CUX1: variants seen among roughly 807,000 people sequenced by gnomAD.
CUX1 encodes cut like homeobox 1.
A neutral mutation model predicts 158.8 loss-of-function variants in CUX1; 31 were observed. The ratio of observed to expected loss-of-function variants is 0.20; its 90% CI spans 0.15 to 0.26. CUX1 has a LOEUF of 0.26. Among genes scored for constraint, CUX1 ranks in the 10% least tolerant of loss-of-function variants. The pLI is 1.00. For missense variants in CUX1, 1,589 were observed against 2,014.6 expected (o/e 0.79, Z 4.04); for synonymous variants, 879 against 862.1 (o/e 1.02, Z -0.34).
chr7:101,929,417 CT>C (rs969592440), intron 2 of CUX1, among the ~76,000 whole-genome samples: 1 of 152,140 alleles, frequency 6.6e-6, no homozygotes, highest in African/African-American at 2.4e-5. Flanking sequence ...TAGCCCATAA[CT>C]TGTCTTTCTG....
At chr7:102,084,858 CTT>C (rs60908109) in intron 4 of CUX1, among the ~76,000 whole-genome samples, 131 of 56,032 alleles carry the variant, frequency 2.3e-3, no homozygotes, top group African/African-American at 7.8e-3. Context: ...ATTTTCCTTG[CTT>C]TTTTTTTTTT....
intron 1 of CUX1, among the ~76,000 whole-genome samples, chr7:101,874,237 G>A (rs957563225): frequency 1.3e-5 from 2 of 152,182 alleles, no homozygotes; most frequent in East Asian, 1.9e-4. Context: ...GAGGATCTCC[G>A]TGCAGGCCGT....
At chr7:102,221,325 C>G (rs1375309640) in intron 20 of CUX1, among the ~76,000 whole-genome samples, 2 of 151,870 alleles carry the variant, frequency 1.3e-5, no homozygotes, top group Non-Finnish European at 2.9e-5. Flanking sequence ...ATGTCACTTA[C>G]AATAATTACT....
intron 22 of CUX1, among the ~76,000 whole-genome samples, chr7:102,234,764 A>AC (rs1799366117): frequency 6.6e-6 from 1 of 151,676 alleles, no homozygotes; most frequent in Non-Finnish European, 1.5e-5. Flanking sequence ...TACTAAAAAA[A>AC]AAAAAAAAAA....
chr7:102,198,882 G>C lies in CUX1; in HGVS notation c.1960+15G>C. The C allele has an allele frequency of 1.2e-6, 2 of 1,613,506 alleles. No individual in the cohort carries two copies. The highest frequency in any genetic ancestry group is 1.7e-6 in the Non-Finnish European group (2 of 1,179,402). On this transcript the variant is annotated intron_variant, in intron 16 of 23. Coordinates refer to ENST00000292535, the MANE Select transcript of CUX1 (RefSeq NM_181552.4). ...TGGGTCTGAAGGTATGTTGCAGGCA[G>C]GCGTTTTCTTTGCAGTCAGTCACCT...
At chr7:101,897,018 G>T (rs1209506514) in intron 1 of CUX1, among the ~76,000 whole-genome samples, 1 of 152,160 alleles carries the variant, frequency 6.6e-6, no homozygotes, top group Admixed American at 6.5e-5. Context: ...GAAAAGTCAC[G>T]CACACACAAC....
intron 1 of CUX1, among the ~76,000 whole-genome samples, chr7:101,911,642 G>A (rs972519657): frequency 3.9e-5 from 6 of 152,260 alleles, no homozygotes; most frequent in African/African-American, 9.6e-5. Flanking sequence ...CCCGCCAGTG[G>A]ATGACCTGAG....
At chr7:101,943,211 A>G (rs1273071607) in intron 2 of CUX1, among the ~76,000 whole-genome samples, 3 of 150,300 alleles carry the variant, frequency 2.0e-5, no homozygotes, top group African/African-American at 7.4e-5. Flanking sequence ...GGTGCAAGAG[A>G]TTCTCCTGCT....
chr7:102,158,065 C>G (rs1479768513), intron 8 of CUX1, among the ~76,000 whole-genome samples: 1 of 152,124 alleles, frequency 6.6e-6, no homozygotes, highest in Non-Finnish European at 1.5e-5. Flanking sequence ...CCTGGTGAGG[C>G]TTTCACTGCC....
At chr7:101,890,655 C>T (rs1800784147) in intron 1 of CUX1, among the ~76,000 whole-genome samples, 1 of 152,034 alleles carries the variant, frequency 6.6e-6, no homozygotes, top group South Asian at 2.1e-4. Flanking sequence ...GAGGTTGGTG[C>T]GAAAATAGCA....
At chr7:102,089,337 C>T (rs1828285362) in intron 4 of CUX1, among the ~76,000 whole-genome samples, 2 of 152,214 alleles carry the variant, frequency 1.3e-5, no homozygotes, top group Non-Finnish European at 2.9e-5. Context: ...GATCATCCTG[C>T]TGCTTTGCAT....
At chr7:101,988,844 T>A (rs1814695135) in intron 2 of CUX1, among the ~76,000 whole-genome samples, 1 of 151,676 alleles carries the variant, frequency 6.6e-6, no homozygotes, top group South Asian at 2.1e-4. Flanking sequence ...TACAAAAAAA[T>A]AAAATTTAGC....
intron 21 of CUX1, among the ~76,000 whole-genome samples, chr7:102,232,596 A>G (rs1378662301): frequency 3.3e-5 from 5 of 152,196 alleles, no homozygotes; most frequent in African/African-American, 1.2e-4. Flanking sequence ...TGTTCATTCA[A>G]GTACTCCCGT....
At chr7:101,940,705 A>G (rs1368594827) in intron 2 of CUX1, among the ~76,000 whole-genome samples, 1 of 151,764 alleles carries the variant, frequency 6.6e-6, no homozygotes, top group Non-Finnish European at 1.5e-5. Context: ...CAGCACTTCC[A>G]CCCTCCCAGA....
In CUX1 at chr7:102,189,364, G is replaced by T. The variant is rs549170291; in HGVS notation, c.1018-449G>T. Among the ~76,000 whole-genome samples, 54 of 132,760 alleles carry T rather than the reference G, an allele frequency of 4.1e-4. 1 individual carries two copies. The highest frequency in any genetic ancestry group is 1.6e-3 in the African/African-American group (53 of 33,000). The allele number at this position is 132,760 out of a possible 152,430, so 87.1% of individuals were successfully genotyped here. On this transcript the variant is annotated intron_variant, in intron 11 of 23. Coordinates refer to ENST00000292535, the MANE Select transcript of CUX1 (RefSeq NM_181552.4). The stretch of plus-strand genomic sequence containing the variant: ...AGATTCTTCCTTCTTTTTTTTGGGT[G>T]CGGGGGGGGATGCTTTTTTTTTTTT...
At chr7:101,822,887 A>G (rs1219603532) in intron 1 of CUX1, among the ~76,000 whole-genome samples, 1 of 151,286 alleles carries the variant, frequency 6.6e-6, no homozygotes, top group Non-Finnish European at 1.5e-5. Flanking sequence ...CCTGGGTGAC[A>G]GAGCGAGACT....
intron 2 of CUX1, among the ~76,000 whole-genome samples, chr7:101,944,682 T>C (rs1421552058): frequency 6.6e-6 from 1 of 152,232 alleles, no homozygotes; most frequent in Non-Finnish European, 1.5e-5. Context: ...GTCCATGTCA[T>C]CTGCTGTGGC....
chr7:101,897,651 T>G (rs1217685044), intron 1 of CUX1, among the ~76,000 whole-genome samples: 1 of 151,890 alleles, frequency 6.6e-6, no homozygotes, highest in Non-Finnish European at 1.5e-5. Flanking sequence ...GGGCAACAGT[T>G]TACTGTTTTC....
chr7:101,935,378 CA>C (rs1806793924), intron 2 of CUX1, among the ~76,000 whole-genome samples: 1 of 152,182 alleles, frequency 6.6e-6, no homozygotes, highest in Admixed American at 6.5e-5. Context: ...GTGAAATAAA[CA>C]GCTTTATTGC....
Sources: gnomAD v4.1 joint callset for allele counts (sites outside exome capture counted in the v4.1 genomes callset) on GRCh38, gnomAD v4.1.1 for gene constraint, MANE v1.5 for transcripts, NCBI Gene and HGNC (gene_info 2026-07-23, HGNC 2026-07-21) for gene names.